ATXN7L1: variants seen among roughly 807,000 people sequenced by gnomAD.
The protein encoded by ATXN7L1 is ataxin-7-like protein 1.
In ATXN7L1, 15 loss-of-function variants were observed where a neutral mutation model predicts 70.8. The observed-to-expected ratio is 0.21, with a 90% CI of 0.14 to 0.33. ATXN7L1 has a LOEUF of 0.33. Among genes scored for constraint, ATXN7L1 ranks in the 10% least tolerant of loss-of-function variants. The pLI is 1.00. For synonymous variants in ATXN7L1, 440 were observed against 445.1 expected (o/e 0.99, Z 0.14); for missense variants, 975 against 1,097.1 (o/e 0.89, Z 1.57).
At chr7:105,686,821 C>T (rs552159146) in intron 3 of ATXN7L1, among the ~76,000 whole-genome samples, 1 of 152,316 alleles carries the variant, frequency 6.6e-6, no homozygotes, top group East Asian at 1.9e-4. Context: ...GTAAGTCAGA[C>T]ACCGTCTGTA....
At chr7:105,770,484 C>T (rs535072127) in intron 3 of ATXN7L1, among the ~76,000 whole-genome samples, 5 of 152,166 alleles carry the variant, frequency 3.3e-5, no homozygotes, top group Non-Finnish European at 7.4e-5. Flanking sequence ...CCCCTTACCC[C>T]AGGCAGACTT....
chr7:105,760,652 T>C (rs1800420861), intron 3 of ATXN7L1: 2 of 739,426 alleles, frequency 2.7e-6, no homozygotes, highest in Admixed American at 1.3e-4. Flanking sequence ...TAAACATTTC[T>C]GTTCACACAA....
intron 3 of ATXN7L1, among the ~76,000 whole-genome samples, chr7:105,671,888 T>G (rs1193803345): frequency 1.4e-4 from 2 of 14,284 alleles, no homozygotes; most frequent in Non-Finnish European, 2.5e-4. Flanking sequence ...AGACCCTGTC[T>G]CAAAAAAAAA....
At chr7:105,735,046 A>C (rs866812440) in intron 3 of ATXN7L1, among the ~76,000 whole-genome samples, 3 of 152,302 alleles carry the variant, frequency 2.0e-5, no homozygotes, top group Admixed American at 6.5e-5. Context: ...AAATAATTCT[A>C]TGGGAACAAA....
intron 2 of ATXN7L1, among the ~76,000 whole-genome samples, chr7:105,808,938 C>T (rs1397000712): frequency 6.6e-6 from 1 of 152,258 alleles, no homozygotes; most frequent in Non-Finnish European, 1.5e-5. Context: ...TTATTTATTT[C>T]TCATTGTCCA....
intron 2 of ATXN7L1, among the ~76,000 whole-genome samples, chr7:105,841,681 C>T (rs888520818): frequency 2.0e-5 from 3 of 152,070 alleles, no homozygotes; most frequent in South Asian, 2.1e-4. Context: ...GGCCCCAAAG[C>T]GCAAGAATAG....
Position 105,733,837 on chromosome 7 carries a change from TCCAC to T in ATXN7L1, c.355+54763_355+54766del, listed in dbSNP as rs1473081430. ...ACCCATCCATCCACCCCTCCATCCG[TCCAC>T]CCATCCATCCATCCATCCATCCATC... On this transcript the variant is annotated intron_variant, in intron 3 of 11. Transcript: ENST00000419735. Among the ~76,000 whole-genome samples, 389 of 63,612 alleles carry T rather than the reference TCCAC, an allele frequency of 6.1e-3. 28 individuals are homozygous for T. Among genetic ancestry groups the T allele is most frequent in the African/African-American group, 0.018 (293 of 16,392 alleles). The allele number at this position is 63,612 out of a possible 152,430, so 41.7% of individuals were successfully genotyped here.
chr7:105,730,577 A>G (rs1339387014), intron 3 of ATXN7L1, among the ~76,000 whole-genome samples: 1 of 152,076 alleles, frequency 6.6e-6, no homozygotes, highest in Non-Finnish European at 1.5e-5. Flanking sequence ...CTAAATGTAC[A>G]AAAAATTAGC....
chr7:105,664,561 T>TTGTGTGTGTGTGTGTG (rs1802260980), intron 4 of ATXN7L1, among the ~76,000 whole-genome samples: 5 of 119,472 alleles, frequency 4.2e-5, no homozygotes, highest in Admixed American at 1.6e-4. Flanking sequence ...CATATATATA[T>TTGTGTGTGTGTGTGTG]TATGTATGTG....
chr7:105,621,138 CCAAT>C (rs1794869830), intron 8 of ATXN7L1, among the ~76,000 whole-genome samples: 1 of 152,194 alleles, frequency 6.6e-6, no homozygotes, highest in Admixed American at 6.5e-5. Flanking sequence ...ATTTCTGCCT[CCAAT>C]CAGTCTTTGT....
chr7:105,817,744 G>T (rs936033066), intron 2 of ATXN7L1, among the ~76,000 whole-genome samples: 1 of 152,132 alleles, frequency 6.6e-6, no homozygotes, highest in Non-Finnish European at 1.5e-5. Flanking sequence ...CAGCGAGACC[G>T]CTATCTCTAA....
At chr7:105,767,679 C>T (rs1277888435) in intron 3 of ATXN7L1, among the ~76,000 whole-genome samples, 1 of 152,198 alleles carries the variant, frequency 6.6e-6, no homozygotes, top group African/African-American at 2.4e-5. Flanking sequence ...AATTGAGGCA[C>T]AGAGAGATGA....
At chr7:105,738,381 A>G (rs1401283729) in intron 3 of ATXN7L1, among the ~76,000 whole-genome samples, 1 of 152,188 alleles carries the variant, frequency 6.6e-6, no homozygotes, top group Non-Finnish European at 1.5e-5. Flanking sequence ...CCACTTCTGA[A>G]TATCAAAATG....
chr7:105,683,432 A>C (rs1805787922), intron 3 of ATXN7L1, among the ~76,000 whole-genome samples: 1 of 152,110 alleles, frequency 6.6e-6, no homozygotes, highest in Admixed American at 6.6e-5. Flanking sequence ...ATAACCCCAG[A>C]ACTTTGGGAG....
At chr7:105,777,088 C>T (rs766683000) in intron 3 of ATXN7L1, among the ~76,000 whole-genome samples, 15 of 152,156 alleles carry the variant, frequency 9.9e-5, no homozygotes, top group Non-Finnish European at 1.3e-4. Flanking sequence ...TGGGACTCAG[C>T]GATGCCCAAG....
At chr7:105,795,087 G>C (rs929406) in intron 2 of ATXN7L1, among the ~76,000 whole-genome samples, 111,146 of 152,034 alleles carry the variant, frequency 0.73, 41,388 homozygotes, top group East Asian at 0.98. Context: ...CCTTCCTCCC[G>C]CTGAAATCTG....
Position 105,670,661 on chromosome 7 carries a change from TAA to T in ATXN7L1, c.356-5375_356-5374del, listed in dbSNP as rs11462722. On this transcript the variant is annotated intron_variant, in intron 3 of 11. Coordinates refer to ENST00000419735, the MANE Select transcript of ATXN7L1 (RefSeq NM_020725.2). ...TTGCTGTCTACCTACTATTTATCTTTAAAAAAAAAAAAACTGATTTGGCCGGG... is the reference window on the plus strand; with the variant it reads ...TTGCTGTCTACCTACTATTTATCTTTAAAAAAAAAAACTGATTTGGCCGGG... Among the ~76,000 whole-genome samples the T allele has an allele frequency of 7.3e-4, 107 of 147,480 alleles. 1 individual carries two copies. The highest frequency in any genetic ancestry group is 2.2e-3 in the African/African-American group (88 of 40,094).
chr7:105,811,649 C>T (rs1808455899), intron 2 of ATXN7L1, among the ~76,000 whole-genome samples: 1 of 152,210 alleles, frequency 6.6e-6, no homozygotes, highest in African/African-American at 2.4e-5. Context: ...AGCCATGGGG[C>T]TGGATGAGGG....
chr7:105,606,297 C>T lies in ATXN7L1; in HGVS notation c.*1555G>A, dbSNP rs989891128. The T allele has an allele frequency of 3.3e-5, 5 of 152,186 alleles. No homozygotes were observed. Among genetic ancestry groups the T allele is most frequent in the African/African-American group, 1.2e-4 (5 of 41,438 alleles). The allele number at this position is 152,186 out of a possible 1,614,324, so 9.4% of individuals were successfully genotyped here. ...AGTGCAATTCCATTGATGAAAATCA[C>T]TCCATTTGCCTCCCGTCTTTGCAAT... On this transcript the variant is annotated 3_prime_UTR_variant, in exon 12 of 12. Coordinates refer to ENST00000419735, the MANE Select transcript of ATXN7L1 (RefSeq NM_020725.2).
Sources: gnomAD v4.1 joint callset for allele counts (sites outside exome capture counted in the v4.1 genomes callset) on GRCh38, gnomAD v4.1.1 for gene constraint, MANE v1.5 for transcripts, NCBI Gene and HGNC (gene_info 2026-07-23, HGNC 2026-07-21) for gene names.